The following STK31 variants were observed in gnomAD, a reference collection of about 807,000 sequenced individuals.
STK31 encodes serine/threonine kinase 31.
A neutral mutation model predicts 129.7 loss-of-function variants in STK31; 89 were observed. That is an observed-to-expected ratio of 0.69 (90% CI 0.58 to 0.82). The LOEUF (loss-of-function observed/expected upper bound fraction) is 0.82. Ranked by LOEUF, STK31 falls within the 40% of genes least tolerant of loss-of-function variation. The probability of loss-of-function intolerance (pLI) is 0.00; values close to 1 mark genes in which losing one functional copy is unlikely to be tolerated. For synonymous variants in STK31, 448 were observed against 395.3 expected, an observed-to-expected ratio of 1.13 and a Z score of -1.58; for missense variants, 1,187 against 1,176.4, an observed-to-expected ratio of 1.01 and a Z score of -0.13.
chr7:23,763,206 C>T (rs1441747136), intron 11 of STK31, among the ~76,000 whole-genome samples: 1 of 152,070 alleles, frequency 6.6e-6, no homozygotes, highest in African/African-American at 2.4e-5. Flanking sequence ...GTATGTGGGT[C>T]CCTATCGTCC....
At chr7:23,766,723 A>T (rs1352963955) in intron 11 of STK31, among the ~76,000 whole-genome samples, 3 of 152,160 alleles carry the variant, frequency 2.0e-5, no homozygotes, top group Admixed American at 2.0e-4. Flanking sequence ...TATTTCTTTA[A>T]TTGTAGGTAA....
intron 12 of STK31, 51 bp downstream of exon 12, chr7:23,769,225 A>G (rs912752696): frequency 1.4e-6 from 2 of 1,444,248 alleles, no homozygotes; most frequent in African/African-American, 1.4e-5. Flanking sequence ...CAGGGAATAT[A>G]TATTTTAAAA....
chr7:23,743,740 T>C (rs1249355309), intron 8 of STK31, among the ~76,000 whole-genome samples: 1 of 152,114 alleles, frequency 6.6e-6, no homozygotes, highest in African/African-American at 2.4e-5. Flanking sequence ...TCCCTTTTTT[T>C]CTCTTTTTCT....
intron 23 of STK31, among the ~76,000 whole-genome samples, chr7:23,816,755 C>T (rs1300491223): frequency 6.6e-6 from 1 of 152,160 alleles, no homozygotes; most frequent in African/African-American, 2.4e-5. Flanking sequence ...ATAGCAAAAT[C>T]ATATAAGTGA....
At chr7:23,788,742 A>G (rs2128112895) in intron 21 of STK31, among the ~76,000 whole-genome samples, 2 of 152,298 alleles carry the variant, frequency 1.3e-5, no homozygotes, top group South Asian at 2.1e-4. Context: ...ATCATATACA[A>G]CATGATGTTT....
intron 6 of STK31, among the ~76,000 whole-genome samples, chr7:23,730,878 A>ATTTTTTTTTTTTT (rs60712892): frequency 3.4e-5 from 2 of 59,542 alleles, no homozygotes; most frequent in Non-Finnish European, 6.6e-5. Context: ...ATATATATAT[A>ATTTTTTTTTTTTT]TTTTTTTTTT....
chr7:23,790,734 TG>T (rs1013552134), intron 21 of STK31, 89 bp from the exon 22 acceptor site: 8 of 1,205,808 alleles, frequency 6.6e-6, no homozygotes, highest in African/African-American at 1.6e-5. Flanking sequence ...AAAATGAATT[TG>T]TTTTTTGTAT....
At chr7:23,822,156 T>C (rs1048526777) in intron 23 of STK31, among the ~76,000 whole-genome samples, 4 of 152,210 alleles carry the variant, frequency 2.6e-5, no homozygotes, top group African/African-American at 9.6e-5. Flanking sequence ...TAGGATTTTT[T>C]TCTATTTATG....
chr7:23,765,942 A>G (rs73081002), intron 11 of STK31, among the ~76,000 whole-genome samples: 1,573 of 152,282 alleles, frequency 0.01, 7 homozygotes, highest in South Asian at 0.028. Context: ...ACCTACCACA[A>G]TTGTCTAGGA....
intron 23 of STK31, among the ~76,000 whole-genome samples, chr7:23,829,683 T>A (rs1486332627): frequency 1.3e-5 from 2 of 152,176 alleles, no homozygotes; most frequent in Admixed American, 1.3e-4. Flanking sequence ...CTCTTGAACC[T>A]TTGCAGTAGT....
intron 10 of STK31, 115 bp downstream of exon 10, chr7:23,754,589 T>C: frequency 9.2e-7 from 1 of 1,086,060 alleles, no homozygotes; most frequent in Non-Finnish European, 1.3e-6. Context: ...GCAGATTTGT[T>C]ACATAGGTAT....
rs1260960762 is a variant in STK31 at position 23,808,166 on chromosome 7, TA to T, written c.2761-6977del. ...ATCCTTTTTAATATATATATATATA[TA>T]TATTTTTTGTAGGCAGCCACCCTGT... On this transcript the variant is annotated intron_variant, in intron 22 of 23. Transcript: ENST00000355870. Among the ~76,000 whole-genome samples, 3 of 119,332 alleles carry T rather than the reference TA, an allele frequency of 2.5e-5. No individual in the cohort carries two copies. In the East Asian group the frequency reaches 6.7e-4, roughly 27 times the overall value. The allele number at this position is 119,332 out of a possible 152,430, so 78.3% of individuals were successfully genotyped here. A position where few individuals can be genotyped will look rare whatever the true frequency, so the allele number is the denominator to read the frequency against.
intron 23 of STK31, among the ~76,000 whole-genome samples, chr7:23,826,067 A>G (rs1017997378): frequency 3.9e-5 from 6 of 152,106 alleles, no homozygotes; most frequent in African/African-American, 1.4e-4. Context: ...AAAAGAATGT[A>G]TATTCTGTTG....
Position 23,791,931 on chromosome 7 carries a change from T to G in STK31, c.2760+985T>G, listed in dbSNP as rs368499512. Among the ~76,000 whole-genome samples, 23 of 152,340 alleles carry G rather than the reference T, an allele frequency of 1.5e-4. No individual in the cohort carries two copies. In the East Asian group the frequency reaches 3.1e-3, roughly 20 times the overall value. On this transcript the variant is annotated intron_variant, in intron 22 of 23. Transcript: ENST00000355870. ...TAGACAGTATGTAAACAAATCAGTG[T>G]GGCTCTTTTCCAGTAGTACTTTATT...
chr7:23,730,410 A>G (rs912645410), intron 6 of STK31, among the ~76,000 whole-genome samples: 3 of 152,212 alleles, frequency 2.0e-5, no homozygotes, highest in African/African-American at 7.2e-5. Flanking sequence ...TTTCATAAAC[A>G]TGAAATATAG....
intron 23 of STK31, among the ~76,000 whole-genome samples, chr7:23,831,881 C>T (rs1413160667): frequency 2.6e-5 from 4 of 152,170 alleles, no homozygotes; most frequent in Admixed American, 2.6e-4. Flanking sequence ...GGTGATTCCC[C>T]CCACCACGGC....
intron 8 of STK31, among the ~76,000 whole-genome samples, chr7:23,744,906 T>C (rs1188141732): frequency 6.6e-6 from 1 of 152,212 alleles, no homozygotes; most frequent in African/African-American, 2.4e-5. Context: ...AAAGCCCAGG[T>C]TGGCCAGTGC....
At chr7:23,713,566 C>T (rs973590579) in intron 3 of STK31, among the ~76,000 whole-genome samples, 6 of 152,166 alleles carry the variant, frequency 3.9e-5, no homozygotes, top group African/African-American at 1.4e-4. Flanking sequence ...CATTGTAGAG[C>T]TGTGCAAAAA....
intron 5 of STK31, 108 bp from the exon 6 acceptor site, chr7:23,728,983 A>G (rs1246365455): frequency 2.2e-6 from 2 of 924,192 alleles, no homozygotes; most frequent in Non-Finnish European, 3.0e-6. Flanking sequence ...TTGAGGTAAG[A>G]ATGCTATTTT....
Sources: allele counts gnomAD v4.1 joint callset (sites outside exome capture counted in the v4.1 genomes callset), GRCh38; gene constraint gnomAD v4.1.1; transcripts MANE v1.5; gene names NCBI Gene and HGNC (gene_info 2026-07-23, HGNC 2026-07-21).